Variants in ZBTB16 observed in about 807,000 individuals in gnomAD.
ZBTB16 encodes the protein zinc finger and BTB domain-containing protein 16.
A neutral mutation model predicts 56.8 loss-of-function variants in ZBTB16; 8 were observed. The observed-to-expected ratio is 0.14, with a 90% CI of 0.08 to 0.25. The LOEUF (loss-of-function observed/expected upper bound fraction) is 0.25, where lower values mean the gene tolerates loss of function less well. Among genes scored for constraint, ZBTB16 ranks in the 10% least tolerant of loss-of-function variants. The probability of loss-of-function intolerance (pLI) is 1.00; values close to 1 mark genes in which losing one functional copy is unlikely to be tolerated. For missense variants in ZBTB16, 625 were observed against 903.0 expected, an observed-to-expected ratio of 0.69 and a Z score of 3.95; for synonymous variants, 363 against 368.5, an observed-to-expected ratio of 0.98 and a Z score of 0.17.
intron 4 of ZBTB16, among the ~76,000 whole-genome samples, chr11:114,198,314 A>G (rs887778936): frequency 1.3e-5 from 2 of 152,222 alleles, no homozygotes; most frequent in Non-Finnish European, 2.9e-5. Flanking sequence ...TTGTACAGTC[A>G]GTGCCCCAGC....
intron 2 of ZBTB16, among the ~76,000 whole-genome samples, chr11:114,137,956 A>C (rs1941839779): frequency 6.6e-6 from 1 of 152,202 alleles, no homozygotes; most frequent in African/African-American, 2.4e-5. Context: ...CCGCTCAGGC[A>C]GGTGTTGCTG....
intron 2 of ZBTB16, among the ~76,000 whole-genome samples, chr11:114,099,715 C>T (rs1007860699): frequency 6.6e-6 from 1 of 152,142 alleles, no homozygotes; most frequent in Non-Finnish European, 1.5e-5. Context: ...GGGAGACAGG[C>T]TAGGTCTTCT....
chr11:114,224,296 G>A (rs1307718031), intron 4 of ZBTB16, among the ~76,000 whole-genome samples: 2 of 152,224 alleles, frequency 1.3e-5, no homozygotes, highest in East Asian at 1.9e-4. Flanking sequence ...TTTGGTAATT[G>A]ATCTCTTTCG....
intron 2 of ZBTB16, among the ~76,000 whole-genome samples, chr11:114,152,069 G>A (rs1467154662): frequency 1.3e-5 from 2 of 152,168 alleles, no homozygotes; most frequent in Non-Finnish European, 2.9e-5. Context: ...CACAGGACAG[G>A]GTCCAGTTTT....
In ZBTB16 at chr11:114,254,916, G is replaced by T. The variant is rs1944975471; in HGVS notation, c.*4361G>T. ...GGGGAAAAGGGTGGGGAGAAAGAGGGGTGCAGGCCCTGCAGGCCGGTTAGC... is the reference window on the plus strand; with the variant it reads ...GGGGAAAAGGGTGGGGAGAAAGAGGTGTGCAGGCCCTGCAGGCCGGTTAGC... On this transcript the variant is annotated 3_prime_UTR_variant, in exon 7 of 7. Transcript: ENST00000335953. Among the ~76,000 whole-genome samples, 1 of 152,186 alleles carries T rather than the reference G, an allele frequency of 6.6e-6. No individual in the cohort carries two copies. The highest frequency in any genetic ancestry group is 2.4e-5 in the African/African-American group (1 of 41,424).
At chr11:114,119,347 C>T (rs541206889) in intron 2 of ZBTB16, among the ~76,000 whole-genome samples, 2,165 of 143,716 alleles carry the variant, frequency 0.015, 45 homozygotes, top group African/African-American at 0.05. Context: ...TGTGTGTGTG[C>T]GCGCGTGTGT....
chr11:114,221,025 G>A (rs536548787), intron 4 of ZBTB16, among the ~76,000 whole-genome samples: 6 of 152,204 alleles, frequency 3.9e-5, no homozygotes, highest in South Asian at 2.1e-4. Context: ...ACGGTGATCC[G>A]TGGTGGTTTT....
intron 3 of ZBTB16, among the ~76,000 whole-genome samples, chr11:114,168,091 A>G (rs1942843964): frequency 6.6e-6 from 1 of 152,174 alleles, no homozygotes; most frequent in South Asian, 2.1e-4. Flanking sequence ...TTTGCCTACT[A>G]GACTGTAAGC....
chr11:114,076,361 C>G (rs897760457), intron 2 of ZBTB16, among the ~76,000 whole-genome samples: 1 of 152,204 alleles, frequency 6.6e-6, no homozygotes, highest in Non-Finnish European at 1.5e-5. Flanking sequence ...GCCACTGGCT[C>G]ATTTCTGGGC....
At chr11:114,202,415 C>T (rs1943757287) in intron 4 of ZBTB16, among the ~76,000 whole-genome samples, 1 of 152,184 alleles carries the variant, frequency 6.6e-6, no homozygotes, top group Non-Finnish European at 1.5e-5. Flanking sequence ...GACTACAGTG[C>T]TGTCCATCTG....
intron 2 of ZBTB16, among the ~76,000 whole-genome samples, chr11:114,072,377 C>T (rs1180896977): frequency 6.6e-6 from 1 of 152,222 alleles, no homozygotes. Flanking sequence ...CGCTCCACTG[C>T]CATCGGGTCC....
intron 2 of ZBTB16, among the ~76,000 whole-genome samples, chr11:114,094,802 T>C (rs1940319808): frequency 6.6e-6 from 1 of 152,286 alleles, no homozygotes. Context: ...GCTTCCATGG[T>C]TGGAGTGGTC....
intron 2 of ZBTB16, among the ~76,000 whole-genome samples, chr11:114,073,863 C>T (rs370854155): frequency 2.6e-5 from 4 of 152,298 alleles, no homozygotes; most frequent in East Asian, 3.9e-4. Context: ...GACATATACA[C>T]GCACATAAAC....
chr11:114,230,725 G>A lies in ZBTB16; in HGVS notation c.1454-11442G>A, dbSNP rs759931486. On this transcript the variant is annotated intron_variant, in intron 4 of 6. Transcript: ENST00000335953. Reference sequence around the variant, plus strand: ...TTATTTTGTTTTGCTTATTTATATGGGGTAGTTTTTCTTTTCATTGCCCAG... The same window carrying A: ...TTATTTTGTTTTGCTTATTTATATGAGGTAGTTTTTCTTTTCATTGCCCAG... Among the ~76,000 whole-genome samples the A allele has an allele frequency of 7.0e-4, 107 of 151,996 alleles. 2 individuals are homozygous for A. The highest frequency in any genetic ancestry group is 1.9e-3 in the South Asian group (9 of 4,812).
chr11:114,255,945 A>G lies in ZBTB16; in HGVS notation c.*5390A>G, dbSNP rs1473021991. Among the ~76,000 whole-genome samples, 1 of 151,906 alleles carries G rather than the reference A, an allele frequency of 6.6e-6. No individual in the cohort carries two copies. Among genetic ancestry groups the G allele is most frequent in the African/African-American group, 2.4e-5 (1 of 41,392 alleles). ...AGTTGTATACCTTGAATCTGCAGTT[A>G]GAAGAGAATAAAGTTAATTCAGTTG... On this transcript the variant is annotated 3_prime_UTR_variant, in exon 7 of 7. Transcript: ENST00000335953.
chr11:114,148,966 C>G (rs1489383626), intron 2 of ZBTB16, among the ~76,000 whole-genome samples: 1 of 151,682 alleles, frequency 6.6e-6, no homozygotes, highest in East Asian at 1.9e-4. Flanking sequence ...TTCCGATTCT[C>G]TTTCTTGTTT....
At chr11:114,163,735 TG>T (rs1270108154) in intron 3 of ZBTB16, among the ~76,000 whole-genome samples, 4 of 152,216 alleles carry the variant, frequency 2.6e-5, no homozygotes, top group Non-Finnish European at 5.9e-5. Flanking sequence ...TGTCTCCATA[TG>T]GTGCCTTAGC....
At chr11:114,142,811 G>A (rs1307834883) in intron 2 of ZBTB16, among the ~76,000 whole-genome samples, 4 of 152,114 alleles carry the variant, frequency 2.6e-5, no homozygotes, top group Admixed American at 6.5e-5. Flanking sequence ...TGAAGTTATG[G>A]CCCGTTTAAA....
chr11:114,171,559 C>T (rs766339179), intron 3 of ZBTB16, among the ~76,000 whole-genome samples: 5 of 152,200 alleles, frequency 3.3e-5, no homozygotes, highest in South Asian at 2.1e-4. Context: ...CTGTGCTTCC[C>T]GATATAGCCC....
Sources: allele counts gnomAD v4.1 joint callset (sites outside exome capture counted in the v4.1 genomes callset), GRCh38; gene constraint gnomAD v4.1.1; transcripts MANE v1.5; gene names NCBI Gene and HGNC (gene_info 2026-07-23, HGNC 2026-07-21).